The following FHIP1A variants were observed in gnomAD, a reference collection of about 807,000 sequenced individuals.
FHIP1A encodes FHF complex subunit HOOK-interacting protein 1A.
FHIP1A carries 61 observed loss-of-function variants against 88.6 expected under a neutral mutation model. The observed-to-expected ratio is 0.69, with a 90% CI of 0.56 to 0.85. The LOEUF (loss-of-function observed/expected upper bound fraction) is 0.85, where lower values mean the gene tolerates loss of function less well. Ranked by LOEUF, FHIP1A falls within the 40% of genes least tolerant of loss-of-function variation. The pLI, the probability that FHIP1A is intolerant of heterozygous loss-of-function variation, is 0.00. For synonymous variants in FHIP1A, 478 were observed against 496.0 expected, an observed-to-expected ratio of 0.96 and a Z score of 0.48; for missense variants, 1,154 against 1,273.5, an observed-to-expected ratio of 0.91 and a Z score of 1.43.
chr4:151,516,381 A>T (rs1731236928), intron 3 of FHIP1A, among the ~76,000 whole-genome samples: 2 of 152,036 alleles, frequency 1.3e-5, no homozygotes, highest in Admixed American at 1.3e-4. Context: ...CATTCAGGAC[A>T]TAGGCATGGG....
intron 7 of FHIP1A, among the ~76,000 whole-genome samples, chr4:151,595,169 A>G (rs973474654): frequency 5.9e-5 from 9 of 152,174 alleles, no homozygotes; most frequent in African/African-American, 1.9e-4. Flanking sequence ...ATTTAGTACT[A>G]TAAATTTCCC....
chr4:151,593,712 A>G (rs1734532112), intron 7 of FHIP1A, among the ~76,000 whole-genome samples: 1 of 152,216 alleles, frequency 6.6e-6, no homozygotes, highest in Admixed American at 6.5e-5. Context: ...GCAAACAGAG[A>G]CAATTTGACT....
chr4:151,616,377 A>G (rs879791665), intron 7 of FHIP1A, among the ~76,000 whole-genome samples: 1 of 151,604 alleles, frequency 6.6e-6, no homozygotes, highest in Non-Finnish European at 1.5e-5. Context: ...TTAGACAGAC[A>G]CTCACCCAGA....
chr4:151,410,318 A>G (rs1475191356), intron 1 of FHIP1A, among the ~76,000 whole-genome samples: 1 of 151,962 alleles, frequency 6.6e-6, no homozygotes, highest in African/African-American at 2.4e-5. Flanking sequence ...AAAGAGCCAA[A>G]TGTTGAGAAG....
At chr4:151,537,116 G>T (rs1176574627) in intron 3 of FHIP1A, among the ~76,000 whole-genome samples, 1 of 152,014 alleles carries the variant, frequency 6.6e-6, no homozygotes, top group Non-Finnish European at 1.5e-5. Context: ...GGGCTTATGT[G>T]ATCCTCCCTC....
chr4:151,439,316 G>A (rs1021208548), intron 1 of FHIP1A, among the ~76,000 whole-genome samples: 3 of 152,180 alleles, frequency 2.0e-5, no homozygotes, highest in Admixed American at 6.6e-5. Flanking sequence ...TTTATGACAA[G>A]TATTTAGAAT....
chr4:151,520,463 T>A (rs1731409626), intron 3 of FHIP1A, among the ~76,000 whole-genome samples: 2 of 152,186 alleles, frequency 1.3e-5, no homozygotes, highest in African/African-American at 2.4e-5. Context: ...ATTCTATGAA[T>A]GTTCCATAAA....
intron 3 of FHIP1A, among the ~76,000 whole-genome samples, chr4:151,549,566 C>A (rs1389659069): frequency 6.6e-6 from 1 of 151,488 alleles, no homozygotes; most frequent in Non-Finnish European, 1.5e-5. Context: ...GGGAATTACC[C>A]ATGCCTTTCC....
intron 4 of FHIP1A, among the ~76,000 whole-genome samples, chr4:151,568,606 A>G (rs566291641): frequency 6.6e-6 from 1 of 152,180 alleles, no homozygotes; most frequent in Admixed American, 6.5e-5. Flanking sequence ...CACACGTGGG[A>G]CTTGAGAATG....
intron 3 of FHIP1A, among the ~76,000 whole-genome samples, chr4:151,532,740 G>A (rs1257677044): frequency 2.0e-5 from 3 of 152,132 alleles, no homozygotes; most frequent in Non-Finnish European, 2.9e-5. Flanking sequence ...AAGAAAAATA[G>A]GTTTAATTGG....
chr4:151,583,044 C>T (rs1448971482), intron 5 of FHIP1A, among the ~76,000 whole-genome samples: 6 of 152,092 alleles, frequency 3.9e-5, no homozygotes, highest in East Asian at 1.9e-4. Flanking sequence ...GTTTATCAGC[C>T]GTCTTCTCCA....
At chr4:151,491,660 C>T (rs577619203) in intron 3 of FHIP1A, among the ~76,000 whole-genome samples, 9 of 152,038 alleles carry the variant, frequency 5.9e-5, no homozygotes, top group South Asian at 2.1e-4. Context: ...TAACGTTGAG[C>T]GTAAATGACC....
chr4:151,667,784 A>G lies in FHIP1A; in HGVS notation c.*5030A>G, dbSNP rs890366871. ...GTTAACCTAGTTCACTGTTACCTAC[A>G]CAAGTAACAAGACGGCCAATAGGAC... On this transcript the variant is annotated 3_prime_UTR_variant, in exon 14 of 14. Coordinates refer to ENST00000435205, the MANE Select transcript of FHIP1A (RefSeq NM_001109977.3). Among the ~76,000 whole-genome samples the G allele has an allele frequency of 1.3e-5, 2 of 152,198 alleles. No individual in the cohort carries two copies. Among genetic ancestry groups the G allele is most frequent in the African/African-American group, 4.8e-5 (2 of 41,446 alleles).
chr4:151,564,774 A>G (rs560098051), intron 3 of FHIP1A, among the ~76,000 whole-genome samples: 249 of 152,252 alleles, frequency 1.6e-3, no homozygotes, highest in Non-Finnish European at 2.3e-3. Context: ...ACCCTCCTCC[A>G]TTCTTTTTCA....
At chr4:151,542,657 C>T (rs975084608) in intron 3 of FHIP1A, among the ~76,000 whole-genome samples, 28 of 152,202 alleles carry the variant, frequency 1.8e-4, no homozygotes, top group African/African-American at 6.3e-4. Flanking sequence ...GAACTGGCCC[C>T]TGACTCCCTT....
intron 3 of FHIP1A, among the ~76,000 whole-genome samples, chr4:151,520,112 A>T (rs1398682338): frequency 6.6e-6 from 1 of 151,966 alleles, no homozygotes. Context: ...TATTTTTCTT[A>T]TATTATTGCT....
chr4:151,518,879 G>A (rs1731352226), intron 3 of FHIP1A, among the ~76,000 whole-genome samples: 2 of 151,746 alleles, frequency 1.3e-5, no homozygotes, highest in South Asian at 2.1e-4. Flanking sequence ...GCAAAACATC[G>A]ATATGTTGTC....
At chr4:151,594,450 T>C (rs1356376610) in intron 7 of FHIP1A, among the ~76,000 whole-genome samples, 1 of 152,196 alleles carries the variant, frequency 6.6e-6, no homozygotes, top group Non-Finnish European at 1.5e-5. Flanking sequence ...TGATTTAGTC[T>C]TGAGAGGGTG....
chr4:151,444,717 G>A (rs1021633609), intron 1 of FHIP1A, among the ~76,000 whole-genome samples: 22 of 151,972 alleles, frequency 1.4e-4, no homozygotes, highest in African/African-American at 4.6e-4. Flanking sequence ...GCTCTTTTAC[G>A]CAAGCTTATG....
Sources: gnomAD v4.1 joint callset for allele counts (sites outside exome capture counted in the v4.1 genomes callset) on GRCh38, gnomAD v4.1.1 for gene constraint, MANE v1.5 for transcripts, NCBI Gene and HGNC (gene_info 2026-07-23, HGNC 2026-07-21) for gene names.